Variants in EXOC4 observed in about 807,000 individuals in gnomAD.
EXOC4 encodes SEC8-like 1.
A neutral mutation model predicts 107.2 loss-of-function variants in EXOC4; 71 were observed. The observed-to-expected ratio is 0.66, with a 90% CI of 0.55 to 0.81. EXOC4 has a LOEUF of 0.81. Ranked by LOEUF, EXOC4 falls within the 30% of genes least tolerant of loss-of-function variation. The pLI is 0.00. For synonymous variants in EXOC4, 456 were observed against 441.2 expected, an observed-to-expected ratio of 1.03 and a Z score of -0.42; for missense variants, 1,108 against 1,189.6, an observed-to-expected ratio of 0.93 and a Z score of 1.01.
At chr7:133,589,112 C>T (rs1801480239) in intron 9 of EXOC4, among the ~76,000 whole-genome samples, 1 of 152,150 alleles carries the variant, frequency 6.6e-6, no homozygotes, top group Non-Finnish European at 1.5e-5. Flanking sequence ...GTGATGGTAT[C>T]AGCCATTTAG....
intron 10 of EXOC4, among the ~76,000 whole-genome samples, chr7:133,784,397 C>T (rs564905297): frequency 6.6e-6 from 1 of 152,012 alleles, no homozygotes; most frequent in Admixed American, 6.6e-5. Flanking sequence ...TAATTTGGAC[C>T]CTTGGTCTTG....
At chr7:134,064,140 C>T in intron 17 of EXOC4, 151 bp from the exon 18 acceptor site, 1 of 442,128 alleles carries the variant, frequency 2.3e-6, no homozygotes. Context: ...TTGTCCTGTT[C>T]TTTATTCTGT....
chr7:133,978,249 G>A (rs1017906519), intron 14 of EXOC4, among the ~76,000 whole-genome samples: 1 of 152,194 alleles, frequency 6.6e-6, no homozygotes, highest in African/African-American at 2.4e-5. Context: ...TTTTTGGTCT[G>A]GGCTGCTGCA....
At chr7:133,804,605 C>T (rs17167278) in intron 10 of EXOC4, among the ~76,000 whole-genome samples, 18,219 of 152,076 alleles carry the variant, frequency 0.12, 1,190 homozygotes, top group Middle Eastern at 0.15. Flanking sequence ...TTCTTCCAGA[C>T]AATATATACT....
At chr7:134,018,123 G>A (rs1384080347) in intron 17 of EXOC4, among the ~76,000 whole-genome samples, 4 of 152,090 alleles carry the variant, frequency 2.6e-5, no homozygotes, top group African/African-American at 9.7e-5. Flanking sequence ...ACCCACCCAG[G>A]GAGGCTATTT....
intron 6 of EXOC4, among the ~76,000 whole-genome samples, chr7:133,367,137 C>T (rs1227200487): frequency 3.3e-5 from 5 of 152,094 alleles, no homozygotes; most frequent in African/African-American, 7.2e-5. Context: ...ATTAAGTTAG[C>T]GGTCTACAGC....
intron 9 of EXOC4, among the ~76,000 whole-genome samples, chr7:133,503,917 A>G (rs984546951): frequency 4.6e-5 from 7 of 151,874 alleles, no homozygotes; most frequent in African/African-American, 1.7e-4. Flanking sequence ...GAAGTTACCA[A>G]GTTTTCATTA....
chr7:133,764,210 G>C (rs374949996), intron 10 of EXOC4, among the ~76,000 whole-genome samples: 1 of 151,790 alleles, frequency 6.6e-6, no homozygotes, highest in Non-Finnish European at 1.5e-5. Context: ...CCACATTCCC[G>C]TCATTTTCAA....
chr7:133,412,736 G>A (rs1797390690), intron 7 of EXOC4, among the ~76,000 whole-genome samples: 1 of 152,016 alleles, frequency 6.6e-6, no homozygotes, highest in Non-Finnish European at 1.5e-5. Context: ...TCAGAAAAAA[G>A]TAGTAATCAT....
At chr7:133,288,535 G>A (rs979436477) in intron 2 of EXOC4, among the ~76,000 whole-genome samples, 4 of 152,198 alleles carry the variant, frequency 2.6e-5, no homozygotes, top group African/African-American at 4.8e-5. Flanking sequence ...CTATCAGCTG[G>A]ATAGGAAATT....
chr7:133,478,617 G>A (rs975453200), intron 8 of EXOC4, among the ~76,000 whole-genome samples: 2 of 152,112 alleles, frequency 1.3e-5, no homozygotes, highest in Non-Finnish European at 2.9e-5. Context: ...AATACATCAA[G>A]TCATAAAGGA....
At chr7:133,263,337 A>T (rs576871667) in intron 1 of EXOC4, among the ~76,000 whole-genome samples, 1 of 150,656 alleles carries the variant, frequency 6.6e-6, no homozygotes, top group African/African-American at 2.4e-5. Flanking sequence ...TTTTTCTGAG[A>T]TAAACATTAT....
chr7:133,669,149 A>G (rs1793888233), intron 10 of EXOC4, among the ~76,000 whole-genome samples: 1 of 151,900 alleles, frequency 6.6e-6, no homozygotes, highest in Non-Finnish European at 1.5e-5. Flanking sequence ...CCAGCACACC[A>G]ATACAGATTT....
intron 14 of EXOC4, among the ~76,000 whole-genome samples, chr7:133,950,621 T>C (rs1055294348): frequency 5.3e-5 from 8 of 152,246 alleles, no homozygotes; most frequent in African/African-American, 1.9e-4. Flanking sequence ...CTTTTAGGGG[T>C]ACAGTCTTTC....
At chr7:133,827,666 A>G (rs912540380) in intron 11 of EXOC4, among the ~76,000 whole-genome samples, 2 of 152,180 alleles carry the variant, frequency 1.3e-5, no homozygotes, top group Non-Finnish European at 2.9e-5. Context: ...TTTCTTCAAC[A>G]ATCTATCATC....
intron 4 of EXOC4, among the ~76,000 whole-genome samples, chr7:133,306,763 C>T (rs1467726528): frequency 6.6e-6 from 1 of 151,786 alleles, no homozygotes; most frequent in Non-Finnish European, 1.5e-5. Context: ...TTCTTTATTA[C>T]TTAGGGTTAT....
At chr7:134,089,388 A>T in the EXOC4 span, among the ~76,000 whole-genome samples, 2 of 152,208 alleles carry the variant, frequency 1.3e-5, no homozygotes, top group African/African-American at 4.8e-5. Context: ...TCTCAAATAC[A>T]TGTTACACTA....
At position 133,520,061 on chromosome 7, in the gene EXOC4, C is replaced by T. The variant is rs181508953; in HGVS notation, c.1417+39923C>T. Among the ~76,000 whole-genome samples the T allele has an allele frequency of 3.0e-4, 45 of 152,014 alleles. 1 individual carries two copies. The highest frequency in any genetic ancestry group is 4.2e-4 in the South Asian group (2 of 4,818). On this transcript the variant is annotated intron_variant, in intron 9 of 17. Transcript: ENST00000253861. The stretch of plus-strand genomic sequence containing the variant: ...TGCTTGGATATACAAATACTTCTTG[C>T]GTAATGAAAGAACTCTAAGAGGAAA...
At chr7:133,448,878 G>T (rs1221903768) in intron 7 of EXOC4, among the ~76,000 whole-genome samples, 1 of 152,108 alleles carries the variant, frequency 6.6e-6, no homozygotes, top group East Asian at 1.9e-4. Context: ...GCCGAGGTGG[G>T]TGGATCACTT....
Sources: gnomAD v4.1 joint callset for allele counts (sites outside exome capture counted in the v4.1 genomes callset) on GRCh38, gnomAD v4.1.1 for gene constraint, MANE v1.5 for transcripts, NCBI Gene and HGNC (gene_info 2026-07-23, HGNC 2026-07-21) for gene names.